Variants in AFDN observed in about 807,000 individuals in gnomAD.
The protein encoded by AFDN is afadin, adherens junction formation factor.
A neutral mutation model predicts 216.6 loss-of-function variants in AFDN; 68 were observed. That is an observed-to-expected ratio of 0.31 (90% confidence interval 0.26 to 0.38). The LOEUF (loss-of-function observed/expected upper bound fraction) is 0.38. Among genes scored for constraint, AFDN ranks in the 10% least tolerant of loss-of-function variants. The probability of loss-of-function intolerance (pLI) is 1.00; values close to 1 mark genes in which losing one functional copy is unlikely to be tolerated. For missense variants in AFDN, 2,136 were observed against 2,342.0 expected (o/e 0.91, Z 1.82); for synonymous variants, 868 against 853.7 (o/e 1.02, Z -0.29).
At chr6:167,861,104 C>T (rs1274734433) in intron 1 of AFDN, among the ~76,000 whole-genome samples, 2 of 152,064 alleles carry the variant, frequency 1.3e-5, no homozygotes, top group East Asian at 1.9e-4. Flanking sequence ...TGCACCCCTC[C>T]TCTCCCCTCC....
intron 30 of AFDN, among the ~76,000 whole-genome samples, chr6:167,960,858 T>A (rs1796966822): frequency 6.6e-6 from 1 of 152,228 alleles, no homozygotes; most frequent in African/African-American, 2.4e-5. Context: ...CCAGTCATCC[T>A]AACATCCCTC....
At chr6:167,964,714 A>G (rs1232829273) in intron 31 of AFDN, 2 of 1,064,356 alleles carry the variant, frequency 1.9e-6, no homozygotes, top group Admixed American at 5.4e-5. Flanking sequence ...AACAGGGACT[A>G]ACAACTTTTC....
intron 23 of AFDN, among the ~76,000 whole-genome samples, chr6:167,928,217 CA>C (rs1418883834): frequency 6.6e-6 from 1 of 152,252 alleles, no homozygotes; most frequent in Non-Finnish European, 1.5e-5. Context: ...AAGGAACCAG[CA>C]TTACCTTACA....
intron 23 of AFDN, among the ~76,000 whole-genome samples, chr6:167,939,123 A>G (rs1180363132): frequency 6.6e-6 from 1 of 152,166 alleles, no homozygotes; most frequent in Non-Finnish European, 1.5e-5. Flanking sequence ...TAAAATATAT[A>G]TTTGGTATTT....
chr6:167,924,920 A>G (rs776870332), intron 22 of AFDN, 85 bp from the exon 23 acceptor site: 13 of 957,084 alleles, frequency 1.4e-5, no homozygotes, highest in Non-Finnish European at 2.1e-5. Context: ...TCCAGTGAAC[A>G]TGATTGACTA....
chr6:167,955,945 T>A (rs1336648928), intron 30 of AFDN, among the ~76,000 whole-genome samples: 5 of 151,362 alleles, frequency 3.3e-5, no homozygotes, highest in Admixed American at 3.3e-4. Context: ...TGAAACCTCG[T>A]CTCTACTAAA....
At chr6:167,912,340 A>G (rs1248519148) in intron 15 of AFDN, among the ~76,000 whole-genome samples, 1 of 152,104 alleles carries the variant, frequency 6.6e-6, no homozygotes, top group East Asian at 1.9e-4. Flanking sequence ...ACTTAATAAA[A>G]CTCTAGTTAT....
rs373339327 is a variant in AFDN at position 167,917,226 on chromosome 6, C to T, written c.2703C>T (p.Ile901=). The T allele has an allele frequency of 3.5e-5, 55 of 1,590,746 alleles. No individual in the cohort carries two copies. The highest frequency in any genetic ancestry group is 4.6e-5 in the Non-Finnish European group (54 of 1,171,816). Residue 901 remains isoleucine, a synonymous_variant, in exon 20 of 34, where the codon ATC becomes ATT. Transcript: ENST00000683244. ...NYHCAPDEPF[I]PTDLIENVVT... is the part of the protein sequence containing the mutation. ...ACTGTGCACCTGATGAGCCTTTTAT[C>T]CCAACGGTGAGTGGATGTTGCCACA...
chr6:167,894,680 ATCTC>A (rs1287007724), intron 9 of AFDN, among the ~76,000 whole-genome samples: 3 of 152,214 alleles, frequency 2.0e-5, no homozygotes, highest in African/African-American at 7.2e-5. Flanking sequence ...AAGGATGTTT[ATCTC>A]TCTATCTGTT....
intron 5 of AFDN, among the ~76,000 whole-genome samples, chr6:167,879,239 G>C (rs546148364): frequency 6.6e-6 from 1 of 152,300 alleles, no homozygotes; most frequent in African/African-American, 2.4e-5. Flanking sequence ...TACTACTGTG[G>C]ACTAGTTGGT....
At chr6:167,893,019 A>C (rs1478739648) in intron 8 of AFDN, among the ~76,000 whole-genome samples, 1 of 152,184 alleles carries the variant, frequency 6.6e-6, no homozygotes. Flanking sequence ...TAATTCACAC[A>C]GTGGGAGGGA....
rs1795955502 is a variant in AFDN at position 167,951,391 on chromosome 6, G to A, written c.4037G>A (p.Gly1346Asp). Residue 1346 changes from glycine (G) to aspartate (D), a missense_variant, in exon 30 of 34, where the codon GGC becomes GAC. Around this residue, in one of 8 missense-constraint regions of AFDN, gnomAD observed 981 missense variants for 966.0 expected, o/e 1.02. Transcript: ENST00000683244. The surrounding 1 kb of genome is among the most constrained non-coding windows in gnomAD (Gnocchi z 7.1). ...CCTGCTTCCACACTGACCAAAAGTG[G>A]CCCTGGCCGTTGGAAAACACCAGCA... is the stretch of plus-strand genomic sequence containing the variant. ...VTPASTLTKS[G>D]PGRWKTPAAI... The A allele has an allele frequency of 6.2e-7, 1 of 1,614,034 alleles. No individual in the cohort carries two copies. The highest frequency in any genetic ancestry group is 8.5e-7 in the Non-Finnish European group (1 of 1,179,998).
At chr6:167,870,069 C>T (rs1028999605) in intron 2 of AFDN, among the ~76,000 whole-genome samples, 1 of 152,152 alleles carries the variant, frequency 6.6e-6, no homozygotes, top group Admixed American at 6.5e-5. Context: ...ATTTGATTTA[C>T]AGAAATAAGC....
In AFDN at chr6:167,956,990, G is replaced by A. The variant is rs148359238; in HGVS notation, c.4833+4803G>A. 2.0e-3 allele frequency among the ~76,000 whole-genome samples: 299 copies of A among 152,278 alleles called. 3 individuals are homozygous for A. Among genetic ancestry groups the A allele is most frequent in the African/African-American group, 6.8e-3 (283 of 41,570 alleles). On this transcript the variant is annotated intron_variant, in intron 30 of 33. Coordinates refer to ENST00000683244, the MANE Select transcript of AFDN (RefSeq NM_001386888.1). ...AGTCTCTCCTTTCACTTAGACAGGC[G>A]GTCTAAGTTTGCTCGGGTCTCATCT...
chr6:167,941,822 GA>G (rs1163451364), intron 23 of AFDN, among the ~76,000 whole-genome samples: 5 of 152,070 alleles, frequency 3.3e-5, no homozygotes, highest in African/African-American at 1.2e-4. Flanking sequence ...GACACAGAGG[GA>G]TGACGAGGTG....
chr6:167,878,267 G>C (rs1264294574), intron 5 of AFDN, among the ~76,000 whole-genome samples: 1 of 152,054 alleles, frequency 6.6e-6, no homozygotes, highest in Non-Finnish European at 1.5e-5. Context: ...CTTCAAAACG[G>C]GGCACTAACC....
At chr6:167,945,307 G>A (rs1052175745) in intron 26 of AFDN, among the ~76,000 whole-genome samples, 2 of 151,998 alleles carry the variant, frequency 1.3e-5, no homozygotes, top group African/African-American at 4.8e-5. Context: ...GGTCTTCAGG[G>A]GCAGTGACAT....
chr6:167,968,488 ACTT>A (rs1238084659), intron 32 of AFDN: 1 of 152,264 alleles, frequency 6.6e-6, no homozygotes, highest in Non-Finnish European at 1.5e-5. Flanking sequence ...ATATTGTACT[ACTT>A]TTGTGGCCTG....
intron 6 of AFDN, among the ~76,000 whole-genome samples, chr6:167,884,861 C>T (rs1016548418): frequency 2.4e-4 from 37 of 152,214 alleles, no homozygotes; most frequent in Admixed American, 1.3e-4. Context: ...GCCTTCTCCT[C>T]TCTAGCTAGA....
Sources: allele counts gnomAD v4.1 joint callset (sites outside exome capture counted in the v4.1 genomes callset), GRCh38; gene constraint gnomAD v4.1.1; regional missense constraint gnomAD v4.1.1; non-coding constraint Gnocchi (gnomAD v3.1); transcripts MANE v1.5; gene names NCBI Gene and HGNC (gene_info 2026-07-23, HGNC 2026-07-21).